The following TRAPPC9 variants were observed in gnomAD, a reference collection of about 807,000 sequenced individuals.
The protein encoded by TRAPPC9 is trafficking protein particle complex subunit 9, also known as IKK2 binding protein.
Under a neutral mutation model 124.0 loss-of-function variants are expected in TRAPPC9, and 83 were observed. That is an observed-to-expected ratio of 0.67 (90% confidence interval 0.56 to 0.80). The LOEUF (loss-of-function observed/expected upper bound fraction) is 0.80. TRAPPC9 is among the 30% of genes least tolerant of loss of function. The probability of loss-of-function intolerance (pLI) is 0.00; values close to 1 mark genes in which losing one functional copy is unlikely to be tolerated. For synonymous variants in TRAPPC9, 638 were observed against 617.5 expected (o/e 1.03, Z -0.49); for missense variants, 1,302 against 1,508.3 (o/e 0.86, Z 2.27).
At position 139,804,708 on chromosome 8, in the gene TRAPPC9, C is replaced by T. The variant is rs143754186; in HGVS notation, c.3056-72506G>A. Among the ~76,000 whole-genome samples the T allele has an allele frequency of 1.6e-4, 24 of 147,392 alleles. 1 individual carries two copies. The highest frequency in any genetic ancestry group is 6.1e-4 in the African/African-American group (24 of 39,418). ...CACAACCACCACCACCCACCACCAC[C>T]ACCCACCACCGGCACCAAGCACCAC... On this transcript the variant is annotated intron_variant, in intron 21 of 22. Transcript: ENST00000438773.
chr8:140,394,016 T>C (rs1185042648), intron 7 of TRAPPC9, among the ~76,000 whole-genome samples: 1 of 152,174 alleles, frequency 6.6e-6, no homozygotes, highest in Non-Finnish European at 1.5e-5. Context: ...TGACCTCTAG[T>C]GGTCCACAGG....
At chr8:139,828,139 C>A (rs114695420) in intron 21 of TRAPPC9, among the ~76,000 whole-genome samples, 1,720 of 152,154 alleles carry the variant, frequency 0.011, 34 homozygotes, top group African/African-American at 0.039. Flanking sequence ...AGCAAGCTTC[C>A]CCGATGGGTC....
At chr8:140,038,070 C>A (rs946683697) in intron 17 of TRAPPC9, among the ~76,000 whole-genome samples, 3 of 151,326 alleles carry the variant, frequency 2.0e-5, no homozygotes, top group African/African-American at 7.3e-5. Flanking sequence ...GTACTCCCTG[C>A]CCTCAGTTTA....
chr8:140,434,980 A>AG (rs1452241775), intron 4 of TRAPPC9, 132 bp downstream of exon 4: 2 of 1,477,994 alleles, frequency 1.4e-6, no homozygotes, highest in African/African-American at 2.8e-5. Flanking sequence ...AAAAAAAAAA[A>AG]AAAATTACTG....
chr8:139,875,358 C>T (rs13254009), intron 21 of TRAPPC9, among the ~76,000 whole-genome samples: 31,023 of 152,048 alleles, frequency 0.2, 3,772 homozygotes, highest in East Asian at 0.34. Context: ...AAGGAGACTG[C>T]GCCTGAAACA....
At chr8:139,842,862 C>T (rs1826828323) in intron 21 of TRAPPC9, among the ~76,000 whole-genome samples, 1 of 152,236 alleles carries the variant, frequency 6.6e-6, no homozygotes. Context: ...GGTCCTACAA[C>T]CGGGTTTCAT....
chr8:139,922,562 G>A (rs962168118), intron 19 of TRAPPC9, among the ~76,000 whole-genome samples: 4 of 152,346 alleles, frequency 2.6e-5, no homozygotes, highest in Non-Finnish European at 5.9e-5. Flanking sequence ...TCAAGTCTAC[G>A]TGGACACACA....
intron 9 of TRAPPC9, among the ~76,000 whole-genome samples, chr8:140,331,968 TG>T (rs2132006495): frequency 6.6e-6 from 1 of 152,326 alleles, no homozygotes; most frequent in Non-Finnish European, 1.5e-5. Flanking sequence ...GCAATCCCAC[TG>T]CTGGGATTTC....
At chr8:140,230,953 C>A (rs1256129822) in intron 16 of TRAPPC9, among the ~76,000 whole-genome samples, 1 of 152,134 alleles carries the variant, frequency 6.6e-6, no homozygotes, top group Non-Finnish European at 1.5e-5. Context: ...TAGGGGGTCC[C>A]TCTGACTGAC....
intron 20 of TRAPPC9, among the ~76,000 whole-genome samples, chr8:139,905,436 G>C (rs1831294580): frequency 6.6e-6 from 1 of 152,244 alleles, no homozygotes; most frequent in Admixed American, 6.5e-5. Context: ...GTGCGTGACA[G>C]GAAGGGACAC....
At chr8:140,088,316 T>A (rs1412361683) in intron 17 of TRAPPC9, among the ~76,000 whole-genome samples, 1 of 152,196 alleles carries the variant, frequency 6.6e-6, no homozygotes, top group Admixed American at 6.5e-5. Flanking sequence ...CTGATAGTTA[T>A]GCAAGAAATG....
At chr8:140,135,713 A>G (rs571544465) in intron 17 of TRAPPC9, among the ~76,000 whole-genome samples, 5 of 152,396 alleles carry the variant, frequency 3.3e-5, no homozygotes, top group African/African-American at 1.2e-4. Flanking sequence ...AGTGGTGGCA[A>G]GAGTTGCATA....
chr8:139,972,741 A>G (rs539706661), intron 19 of TRAPPC9, among the ~76,000 whole-genome samples: 182 of 152,380 alleles, frequency 1.2e-3, no homozygotes, highest in African/African-American at 4.1e-3. Context: ...CCCTGGGGTC[A>G]CAGAGAGAAT....
chr8:140,267,164 G>A (rs2064697623), intron 15 of TRAPPC9, among the ~76,000 whole-genome samples: 1 of 152,226 alleles, frequency 6.6e-6, no homozygotes, highest in Admixed American at 6.5e-5. Flanking sequence ...AGGGAGTGAA[G>A]ATGTGTGCAG....
intron 7 of TRAPPC9, among the ~76,000 whole-genome samples, chr8:140,387,627 C>G (rs1280858734): frequency 1.3e-5 from 2 of 152,164 alleles, no homozygotes; most frequent in African/African-American, 4.8e-5. Context: ...TGAAAAAATG[C>G]TCATCATCAC....
At chr8:139,764,695 TC>T (rs1459492553) in intron 21 of TRAPPC9, among the ~76,000 whole-genome samples, 1 of 152,084 alleles carries the variant, frequency 6.6e-6, no homozygotes, top group East Asian at 1.9e-4. Flanking sequence ...GTTGGAGGCG[TC>T]CCTGTCCTGG....
chr8:139,816,679 G>T (rs1241716134), intron 21 of TRAPPC9, among the ~76,000 whole-genome samples: 1 of 152,080 alleles, frequency 6.6e-6, no homozygotes, highest in Non-Finnish European at 1.5e-5. Flanking sequence ...CCTACAGAGG[G>T]TCATTTCATT....
At chr8:140,386,589 C>T (rs2068761181) in intron 7 of TRAPPC9, among the ~76,000 whole-genome samples, 1 of 152,158 alleles carries the variant, frequency 6.6e-6, no homozygotes, top group East Asian at 1.9e-4. Flanking sequence ...GAATAAAATA[C>T]CTAGGAATCC....
At position 140,303,915 on chromosome 8, in the gene TRAPPC9, C is replaced by T. The variant is rs78505638; in HGVS notation, c.1623-3301G>A. On this transcript the variant is annotated intron_variant, in intron 10 of 22. Coordinates refer to ENST00000438773, the MANE Select transcript of TRAPPC9 (RefSeq NM_001160372.4). ...CAAAGTCATAATTATGAGCCAAACCCAGCAGTAAATTCGTTTATGTTTAAC... is the reference window on the plus strand; with the variant it reads ...CAAAGTCATAATTATGAGCCAAACCTAGCAGTAAATTCGTTTATGTTTAAC... Among the ~76,000 whole-genome samples the T allele has an allele frequency of 8.9e-3, 1,358 of 152,234 alleles. 13 individuals carry two copies. The highest frequency in any genetic ancestry group is 0.031 in the African/African-American group (1,295 of 41,512).
Sources: gnomAD v4.1 joint callset for allele counts (sites outside exome capture counted in the v4.1 genomes callset) on GRCh38, gnomAD v4.1.1 for gene constraint, MANE v1.5 for transcripts, NCBI Gene and HGNC (gene_info 2026-07-23, HGNC 2026-07-21) for gene names.